ZNF606: variants seen among roughly 807,000 people sequenced by gnomAD.
ZNF606 encodes zinc finger protein 606.
Under a neutral mutation model 74.9 loss-of-function variants are expected in ZNF606, and 37 were observed. The ratio of observed to expected loss-of-function variants is 0.49; its 90% confidence interval spans 0.38 to 0.65. The LOEUF is 0.65. ZNF606 is among the 30% of genes least tolerant of loss of function. The pLI is 0.00. For missense variants in ZNF606, 852 were observed against 952.9 expected, an observed-to-expected ratio of 0.89 and a Z score of 1.39; for synonymous variants, 328 against 312.4, an observed-to-expected ratio of 1.05 and a Z score of -0.53.
chr19:57,983,545 T>G (rs1457720108), intron 6 of ZNF606, among the ~76,000 whole-genome samples: 2 of 147,928 alleles, frequency 1.4e-5, no homozygotes, highest in East Asian at 3.9e-4. Context: ...ACCATTGCAC[T>G]CCAGCCTGGG....
At chr19:57,996,425 C>T (rs1240441870) in intron 4 of ZNF606, among the ~76,000 whole-genome samples, 1 of 152,120 alleles carries the variant, frequency 6.6e-6, no homozygotes, top group Non-Finnish European at 1.5e-5. Flanking sequence ...CCCTTGAACC[C>T]GGGAGGGGAG....
At chr19:57,988,910 C>A (rs562949035) in intron 4 of ZNF606, among the ~76,000 whole-genome samples, 189 bp from the exon 5 acceptor site, 2 of 146,262 alleles carry the variant, frequency 1.4e-5, no homozygotes, top group Non-Finnish European at 2.9e-5. Flanking sequence ...TTGTTATATA[C>A]TCTTAGGGAA....
chr19:57,994,950 G>A (rs770849681), intron 4 of ZNF606, among the ~76,000 whole-genome samples: 2 of 152,006 alleles, frequency 1.3e-5, no homozygotes, highest in South Asian at 2.1e-4. Flanking sequence ...TTGGGAGGCC[G>A]AGGCAGGTGA....
intron 3 of ZNF606, chr19:58,000,373 C>A (rs569564239): frequency 1.8e-6 from 1 of 545,612 alleles, no homozygotes; most frequent in Non-Finnish European, 3.2e-6. Context: ...AGGCGCCCAC[C>A]ACCACGCCCA....
In ZNF606 at chr19:57,999,905, C is replaced by T. The variant is rs149937682; in HGVS notation, c.89-9G>A. On this transcript the variant is annotated splice_polypyrimidine_tract_variant and intron_variant, in intron 3 of 6. Transcript: ENST00000551380. ...ATACTGAGGACACAGAGCTAGGAAA[C>T]GAGAAAAAAGTCATGGAGGCAGCTC... is the stretch of plus-strand genomic sequence containing the variant. The T allele has an allele frequency of 7.2e-5, 116 of 1,612,054 alleles. No homozygotes were observed. Among genetic ancestry groups the T allele is most frequent in the African/African-American group, 4.0e-4 (30 of 74,964 alleles).
rs139469830 is a variant in ZNF606, at chr19:57,978,334, G to A, written c.2346C>T (p.His782=). The change falls in exon 7 of 7, where the codon CAC becomes CAT. Residue 782 remains histidine, a synonymous_variant. Coordinates refer to ENST00000551380, the MANE Select transcript of ZNF606 (RefSeq NM_001348022.3). The surrounding 1 kb of genome is among the most constrained non-coding windows in gnomAD (Gnocchi z 4.4). ...AFSGHSALLQ[H]QRNHSEEKLN ...GTTTCTCTTCACTGTGATTTCTCTG[G>A]TGTTGAAGTAGGGCTGAGTGACCAC... The A allele has an allele frequency of 5.7e-6, 9 of 1,581,408 alleles. No individual in the cohort carries two copies. Among genetic ancestry groups the A allele is most frequent in the Non-Finnish European group, 7.7e-6 (9 of 1,162,104 alleles).
At chr19:57,998,925 CT>C (rs1357683041) in intron 4 of ZNF606, 2 of 152,608 alleles carry the variant, frequency 1.3e-5, no homozygotes, top group African/African-American at 4.8e-5. Context: ...CCTGGTCAGA[CT>C]GAAGCCTGAA....
At chr19:57,999,671 T>C (rs575800496) in intron 4 of ZNF606, 137 bp downstream of exon 4, 1 of 844,862 alleles carries the variant, frequency 1.2e-6, no homozygotes, top group South Asian at 1.5e-5. Flanking sequence ...CCCTACCTGC[T>C]CTCAGGAAGG....
At chr19:57,999,575 C>G (rs987434675) in intron 4 of ZNF606, 1 of 524,612 alleles carries the variant, frequency 1.9e-6, no homozygotes, top group East Asian at 3.0e-5. Context: ...TCATGCCCCA[C>G]AACAAGCCAG....
At chr19:57,983,787 A>G (rs866572149) in intron 6 of ZNF606, among the ~76,000 whole-genome samples, 1 of 152,206 alleles carries the variant, frequency 6.6e-6, no homozygotes, top group Non-Finnish European at 1.5e-5. Context: ...AGAGGCATGC[A>G]TGGCGTGACC....
chr19:58,000,484 CA>C, intron 3 of ZNF606, 198 bp downstream of exon 3: 1 of 663,692 alleles, frequency 1.5e-6, no homozygotes, highest in South Asian at 1.6e-5. Flanking sequence ...CTCGGCCTCC[CA>C]AAGTGCTGTA....
chr19:57,984,038 T>C (rs1186675284), intron 6 of ZNF606, among the ~76,000 whole-genome samples: 2 of 152,162 alleles, frequency 1.3e-5, no homozygotes, highest in African/African-American at 4.8e-5. Flanking sequence ...CAACTTGGGC[T>C]GGAATTTTAC....
At chr19:57,984,988 G>C (rs1263587511) in intron 6 of ZNF606, among the ~76,000 whole-genome samples, 1 of 152,082 alleles carries the variant, frequency 6.6e-6, no homozygotes, top group Non-Finnish European at 1.5e-5. Context: ...CCACCTACTA[G>C]GGGGGCTGAG....
rs1568587827 is a variant in ZNF606, at chr19:58,002,733, C to CA, written c.-390dup. 2.2e-6 allele frequency: 1 copy of CA among 452,624 alleles called. No individual in the cohort carries two copies. The highest frequency in any genetic ancestry group is 2.4e-5 in the Admixed American group (1 of 42,192). The allele number at this position is 452,624 out of a possible 1,614,324, so 28.0% of individuals were successfully genotyped here. A position where few individuals can be genotyped will look rare whatever the true frequency, so the allele number is the denominator to read the frequency against. ...CTCCCAGCCGGCTCTCCTGACCCCCCAAGCCCCGCAGCTACGGCGGCCCCA... is the reference window on the plus strand; with the variant it reads ...CTCCCAGCCGGCTCTCCTGACCCCCCAAAGCCCCGCAGCTACGGCGGCCCCA... On this transcript the variant is annotated 5_prime_UTR_variant, in exon 1 of 7. Coordinates refer to ENST00000551380, the MANE Select transcript of ZNF606 (RefSeq NM_001348022.3).
chr19:58,001,494 G>C (rs45512397), intron 1 of ZNF606, 124 bp from the exon 2 acceptor site: 52,426 of 685,258 alleles, frequency 0.077, 2,478 homozygotes, highest in Middle Eastern at 0.1. Context: ...TAAGAAAAGA[G>C]AATTTACATG....
At chr19:58,000,449 TCTC>T in intron 3 of ZNF606, 1 of 612,140 alleles carries the variant, frequency 1.6e-6, no homozygotes, top group Non-Finnish European at 3.0e-6. Flanking sequence ...ATGGTCTCGA[TCTC>T]CTGACCTCGT....
intron 6 of ZNF606, among the ~76,000 whole-genome samples, chr19:57,983,739 C>T (rs906361397): frequency 2.6e-5 from 4 of 152,124 alleles, no homozygotes; most frequent in Non-Finnish European, 4.4e-5. Flanking sequence ...CCTTGAAGCA[C>T]GACCTGGGTA....
intron 4 of ZNF606, among the ~76,000 whole-genome samples, chr19:57,996,399 G>A (rs2073342541): frequency 6.6e-6 from 1 of 152,170 alleles, no homozygotes; most frequent in Admixed American, 6.5e-5. Context: ...TACTCGGGAG[G>A]TTGAGGCATG....
chr19:57,978,279 G>GT lies in ZNF606; in HGVS notation c.*21_*22insA, dbSNP rs2073019570. On this transcript the variant is annotated 3_prime_UTR_variant, in exon 7 of 7. Transcript: ENST00000551380. The surrounding 1 kb of genome is among the most constrained non-coding windows in gnomAD (Gnocchi z 4.4). Reference sequence around the variant, plus strand: ...CCTCAATGTGTTGTCAAATGTACAAGAAACGAAAAACTCGCATAAATTCAA... The same window carrying GT: ...CCTCAATGTGTTGTCAAATGTACAAGTAAACGAAAAACTCGCATAAATTCAA... 5.9e-6 allele frequency: 9 copies of GT among 1,534,166 alleles called. No individual in the cohort carries two copies. The highest frequency in any genetic ancestry group is 7.9e-6 in the Non-Finnish European group (9 of 1,141,784).
Sources: gnomAD v4.1 joint callset for allele counts (sites outside exome capture counted in the v4.1 genomes callset) on GRCh38, gnomAD v4.1.1 for gene constraint, Gnocchi (gnomAD v3.1) non-coding constraint, MANE v1.5 for transcripts, NCBI Gene and HGNC (gene_info 2026-07-23, HGNC 2026-07-21) for gene names.